Variants in SPI1 observed in about 807,000 individuals in gnomAD.
SPI1 encodes the protein transcription factor PU.1.
A neutral mutation model predicts 30.7 loss-of-function variants in SPI1; 3 were observed. The observed-to-expected ratio is 0.10, with a 90% CI of 0.04 to 0.25. The LOEUF (loss-of-function observed/expected upper bound fraction) is 0.25, where lower values mean the gene tolerates loss of function less well. SPI1 is among the 10% of genes least tolerant of loss of function. The probability of loss-of-function intolerance (pLI) is 1.00; values close to 1 mark genes in which losing one functional copy is unlikely to be tolerated. For missense variants in SPI1, 261 were observed against 371.5 expected (o/e 0.70, Z 2.45); for synonymous variants, 169 against 157.1 (o/e 1.08, Z -0.56).
At chr11:47,355,601 C>G in intron 4 of SPI1, 55 bp from the exon 5 acceptor site, 1 of 1,457,936 alleles carries the variant, frequency 6.9e-7, no homozygotes, top group Non-Finnish European at 9.2e-7. Context: ...GGGAGCCGCC[C>G]CCACCGCCTT....
chr11:47,358,026 C>T (rs778382113), intron 4 of SPI1, among the ~76,000 whole-genome samples: 2 of 152,018 alleles, frequency 1.3e-5, no homozygotes, highest in Non-Finnish European at 2.9e-5. Flanking sequence ...CACATGCTTA[C>T]ACATGTTAAA....
At chr11:47,372,264 G>A (rs2095936932) in intron 2 of SPI1, among the ~76,000 whole-genome samples, 2 of 152,000 alleles carry the variant, frequency 1.3e-5, no homozygotes, top group African/African-American at 4.8e-5. Flanking sequence ...ACCACCACCT[G>A]TATTTCTAGT....
In SPI1 at chr11:47,356,056, CAG is replaced by C. The variant is rs1484482925; in HGVS notation, c.494-512_494-511del. 9.9e-5 allele frequency among the ~76,000 whole-genome samples: 15 copies of C among 151,362 alleles called. No individual in the cohort carries two copies. The South Asian group carries it at 1.5e-3, about 15-fold the overall frequency. ...CATGCACACACAATGCACGTGCTCA[CAG>C]ACTCACACCCACATGCTCACACACA... On this transcript the variant is annotated intron_variant, in intron 4 of 4. Transcript: ENST00000378538.
At chr11:47,362,319 C>T (rs761891104) in intron 2 of SPI1, among the ~76,000 whole-genome samples, 9 of 152,038 alleles carry the variant, frequency 5.9e-5, no homozygotes, top group African/African-American at 9.7e-5. Flanking sequence ...CCTATAATCC[C>T]AGCTACCCAG....
At chr11:47,358,197 TCACA>T (rs370494195) in intron 4 of SPI1, 4 of 257,434 alleles carry the variant, frequency 1.6e-5, no homozygotes, top group Admixed American at 4.8e-5. Flanking sequence ...CTATGCCCAT[TCACA>T]CACACTTATA....
In SPI1 at chr11:47,359,269, G is replaced by A. The variant is rs1454326662; in HGVS notation, c.331-263C>T. 1.3e-5 allele frequency among the ~76,000 whole-genome samples: 2 copies of A among 152,164 alleles called. No homozygotes were observed. The highest frequency in any genetic ancestry group is 2.4e-5 in the African/African-American group (1 of 41,430). ...CTCCTGGTTTAGGACTGTGGGCACC[G>A]GGGAAGTGGTGCCTTGTTCTCCTCC... On this transcript the variant is annotated intron_variant, in intron 3 of 4. Coordinates refer to ENST00000378538, the MANE Select transcript of SPI1 (RefSeq NM_003120.3). This position sits in a 1 kb window ranked among gnomAD's most constrained non-coding sequence, Gnocchi z 5.1.
chr11:47,357,922 A>T (rs748482857), intron 4 of SPI1, among the ~76,000 whole-genome samples: 7 of 151,584 alleles, frequency 4.6e-5, no homozygotes, highest in Non-Finnish European at 7.4e-5. Flanking sequence ...ACACATACAC[A>T]TACCTGTTCA....
intron 2 of SPI1, among the ~76,000 whole-genome samples, chr11:47,367,352 G>A (rs2095929785): frequency 6.6e-6 from 1 of 151,994 alleles, no homozygotes; most frequent in Non-Finnish European, 1.5e-5. Context: ...TCAGGAGTTT[G>A]AGACCAGCCT....
chr11:47,358,745 C>T, intron 4 of SPI1, 99 bp downstream of exon 4: 1 of 1,216,260 alleles, frequency 8.2e-7, no homozygotes, highest in Non-Finnish European at 1.2e-6. Flanking sequence ...ACACACGCGA[C>T]TCGGTGGCGT....
chr11:47,378,033 G>C (rs552212622), intron 1 of SPI1, among the ~76,000 whole-genome samples: 6 of 152,222 alleles, frequency 3.9e-5, no homozygotes, highest in African/African-American at 1.4e-4. Context: ...CAGGAGCCCC[G>C]GCCTCCGCCT....
At chr11:47,366,336 C>CA (rs1171285833) in intron 2 of SPI1, among the ~76,000 whole-genome samples, 1 of 152,154 alleles carries the variant, frequency 6.6e-6, no homozygotes, top group East Asian at 1.9e-4. Flanking sequence ...AACAACCCCA[C>CA]AAAAAATGTC....
In SPI1 at chr11:47,375,655, G is replaced by A. The variant is rs1186197778; in HGVS notation, c.120C>T (p.Ser40=). 6.2e-7 allele frequency: 1 copy of A among 1,613,862 alleles called. No individual in the cohort carries two copies. The highest frequency in any genetic ancestry group is 8.5e-7 in the Non-Finnish European group (1 of 1,179,878). ...CACCGCTATGGCTCTCCCCATCACT[G>A]CTGAGATAGGGGTAATACTCGTGCG... is the stretch of plus-strand genomic sequence containing the variant. ...RQTHEYYPYL[S]SDGESHSDHY... is the part of the protein sequence containing the mutation. Residue 40 remains serine (S), a synonymous_variant, in exon 2 of 5, where the codon AGC becomes AGT. Transcript: ENST00000378538. This position sits in a 1 kb window ranked among gnomAD's most constrained non-coding sequence, Gnocchi z 4.2.
intron 2 of SPI1, among the ~76,000 whole-genome samples, chr11:47,365,157 G>A (rs986245692): frequency 3.9e-5 from 6 of 152,106 alleles, no homozygotes; most frequent in Non-Finnish European, 7.4e-5. Flanking sequence ...CCCCATTTCC[G>A]GATGACTCTT....
At chr11:47,367,876 G>A (rs1057471711) in intron 2 of SPI1, among the ~76,000 whole-genome samples, 2 of 145,214 alleles carry the variant, frequency 1.4e-5, no homozygotes, top group Non-Finnish European at 3.0e-5. Context: ...TCCTGCGTCA[G>A]CCTCCTGAGT....
At chr11:47,355,748 AC>A (rs1388853110) in intron 4 of SPI1, among the ~76,000 whole-genome samples, 2 of 149,312 alleles carry the variant, frequency 1.3e-5, no homozygotes. Context: ...AGGCGTTCAC[AC>A]ACACCCACTC....
intron 2 of SPI1, among the ~76,000 whole-genome samples, chr11:47,363,046 A>G (rs11039203): frequency 0.3 from 45,958 of 151,920 alleles, 7,176 homozygotes; most frequent in Middle Eastern, 0.41. Flanking sequence ...ACCTTAGTCA[A>G]TGGCCCAGAG....
At position 47,358,920 on chromosome 11, in the gene SPI1, C is replaced by T. The variant is rs1229321388; in HGVS notation, c.417G>A (p.Gln139=). 6.4e-7 allele frequency: 1 copy of T among 1,562,718 alleles called. No homozygotes were observed. The highest frequency in any genetic ancestry group is 8.7e-7 in the Non-Finnish European group (1 of 1,154,694). The change falls in exon 4 of 5, where the codon CAG becomes CAA. Residue 139 remains glutamine (Q), a synonymous_variant. Coordinates refer to ENST00000378538, the MANE Select transcript of SPI1 (RefSeq NM_003120.3). The part of the protein sequence containing the change: ...PSSDEEEGER[Q]SPPLEVSDGE... ...CGTCAGACACCTCCAGTGGGGGGCT[C>T]TGCCGCTCGCCCTCCTCCTCATCTG...
chr11:47,373,588 C>T (rs2095938650), intron 2 of SPI1, among the ~76,000 whole-genome samples: 1 of 151,348 alleles, frequency 6.6e-6, no homozygotes, highest in Non-Finnish European at 1.5e-5. Flanking sequence ...GCGGAGGTTG[C>T]AGTGAGCCAA....
intron 4 of SPI1, among the ~76,000 whole-genome samples, chr11:47,357,076 C>G (rs2095911761): frequency 6.6e-6 from 1 of 151,546 alleles, no homozygotes; most frequent in Non-Finnish European, 1.5e-5. Context: ...CACATGCTAA[C>G]ACTTCACACA....
Sources: gnomAD v4.1 joint callset for allele counts (sites outside exome capture counted in the v4.1 genomes callset) on GRCh38, gnomAD v4.1.1 for gene constraint, Gnocchi (gnomAD v3.1) non-coding constraint, MANE v1.5 for transcripts, NCBI Gene and HGNC (gene_info 2026-07-23, HGNC 2026-07-21) for gene names.